Variants in PHACTR1 observed in about 807,000 individuals in gnomAD.
PHACTR1 encodes the protein phosphatase and actin regulator 1, also known as RPEL repeat containing 1.
Under a neutral mutation model 69.2 loss-of-function variants are expected in PHACTR1, and 16 were observed. The ratio of observed to expected loss-of-function variants is 0.23; its 90% CI spans 0.16 to 0.35. The LOEUF (loss-of-function observed/expected upper bound fraction) is 0.35, where lower values mean the gene tolerates loss of function less well. PHACTR1 is among the 10% of genes least tolerant of loss of function. PHACTR1 has a pLI of 1.00. For missense variants in PHACTR1, 510 were observed against 734.7 expected (o/e 0.69, Z 3.54); for synonymous variants, 312 against 284.5 (o/e 1.10, Z -0.97).
At chr6:13,180,199 G>A (rs375341894) in intron 6 of PHACTR1, among the ~76,000 whole-genome samples, 2 of 152,288 alleles carry the variant, frequency 1.3e-5, no homozygotes, top group Middle Eastern at 3.4e-3. Context: ...AACTGTTTCT[G>A]TTAGGTAGGG....
chr6:12,831,290 C>T (rs768876124), intron 4 of PHACTR1, among the ~76,000 whole-genome samples: 7 of 152,124 alleles, frequency 4.6e-5, no homozygotes, highest in Non-Finnish European at 1.5e-5. Context: ...AGTCTTTGCA[C>T]TTTATAGACA....
chr6:12,996,502 T>C (rs1430912595), intron 4 of PHACTR1, among the ~76,000 whole-genome samples: 1 of 152,148 alleles, frequency 6.6e-6, no homozygotes, highest in African/African-American at 2.4e-5. Flanking sequence ...CTACCAATAT[T>C]GACTGAAGAA....
At chr6:13,000,534 T>A (rs755329678) in intron 4 of PHACTR1, among the ~76,000 whole-genome samples, 2 of 142,604 alleles carry the variant, frequency 1.4e-5, no homozygotes, top group Non-Finnish European at 3.0e-5. Flanking sequence ...AGCGACAGAG[T>A]CTCCAAAAAA....
intron 4 of PHACTR1, among the ~76,000 whole-genome samples, chr6:12,863,203 G>A (rs1781116104): frequency 6.6e-6 from 1 of 152,174 alleles, no homozygotes; most frequent in South Asian, 2.1e-4. Flanking sequence ...CCACAGACTG[G>A]GTAACTCAAA....
chr6:13,106,624 T>G (rs934645495), intron 5 of PHACTR1, among the ~76,000 whole-genome samples: 1 of 152,158 alleles, frequency 6.6e-6, no homozygotes, highest in Non-Finnish European at 1.5e-5. Context: ...ACTACAGGCA[T>G]GTACCACCAT....
At chr6:13,176,900 A>G (rs1430823332) in intron 6 of PHACTR1, among the ~76,000 whole-genome samples, 4 of 152,252 alleles carry the variant, frequency 2.6e-5, no homozygotes, top group East Asian at 1.9e-4. Flanking sequence ...ACCATAATTC[A>G]TATCATAGAA....
chr6:12,926,243 A>T (rs1788256049), intron 4 of PHACTR1, among the ~76,000 whole-genome samples: 1 of 151,726 alleles, frequency 6.6e-6, no homozygotes, highest in Non-Finnish European at 1.5e-5. Context: ...TCTCTCTTGG[A>T]TCTTCTCCAC....
At chr6:13,227,504 T>C (rs1256362544) in intron 8 of PHACTR1, among the ~76,000 whole-genome samples, 2 of 152,190 alleles carry the variant, frequency 1.3e-5, no homozygotes, top group Non-Finnish European at 1.5e-5. Flanking sequence ...GTTCACATCA[T>C]TGTGCAACCA....
At chr6:13,118,358 A>G (rs1247149938) in intron 5 of PHACTR1, among the ~76,000 whole-genome samples, 1 of 152,218 alleles carries the variant, frequency 6.6e-6, no homozygotes, top group Non-Finnish European at 1.5e-5. Context: ...GAAGCAAGGA[A>G]TCAAGAAGCC....
chr6:12,719,280 C>A (rs767652013), intron 3 of PHACTR1, among the ~76,000 whole-genome samples: 9 of 152,312 alleles, frequency 5.9e-5, no homozygotes, highest in Middle Eastern at 3.4e-3. Context: ...TCTATAGCTG[C>A]CTTCTCTATT....
chr6:13,131,506 C>T (rs752202700), intron 5 of PHACTR1, among the ~76,000 whole-genome samples: 2 of 151,974 alleles, frequency 1.3e-5, no homozygotes, highest in Non-Finnish European at 2.9e-5. Context: ...ATACACTGCT[C>T]GGATGAATGG....
intron 4 of PHACTR1, among the ~76,000 whole-genome samples, chr6:13,024,031 C>T (rs764464836): frequency 1.3e-5 from 2 of 150,936 alleles, no homozygotes; most frequent in African/African-American, 2.4e-5. Flanking sequence ...GAGCTGAGAT[C>T]GAGCCACTGC....
rs1037675192 is a variant in PHACTR1, at chr6:13,280,902, C to T, written c.1510-2520C>T. On this transcript the variant is annotated intron_variant, in intron 12 of 14. Transcript: ENST00000332995. ...CAGGCCAAAGGTGCGTCTTCTGAGC[C>T]TTTCGTGGTCAGGGACATGAGCCCA... The T allele has an allele frequency of 6.5e-5, 82 of 1,254,960 alleles. 1 individual carries two copies. The South Asian group carries it at 9.2e-4, about 14-fold the overall frequency. 77.7% of individuals were successfully genotyped at this position (1,254,960 alleles called of 1,614,324 possible).
chr6:13,159,457 C>T (rs1272893105), intron 5 of PHACTR1, among the ~76,000 whole-genome samples: 6 of 152,166 alleles, frequency 3.9e-5, no homozygotes, highest in South Asian at 2.1e-4. Context: ...ATCATTGAAA[C>T]AGCAGTCCCT....
At chr6:13,089,807 A>G (rs1812926977) in intron 5 of PHACTR1, among the ~76,000 whole-genome samples, 1 of 152,206 alleles carries the variant, frequency 6.6e-6, no homozygotes, top group Non-Finnish European at 1.5e-5. Flanking sequence ...AATAAAACTG[A>G]CAAACGGTAA....
chr6:13,227,293 A>G (rs560805088), intron 8 of PHACTR1, among the ~76,000 whole-genome samples: 1 of 152,176 alleles, frequency 6.6e-6, no homozygotes, highest in African/African-American at 2.4e-5. Context: ...TCTTTCACAC[A>G]CTCAGTCCCT....
At chr6:12,816,316 C>T (rs917431497) in intron 4 of PHACTR1, among the ~76,000 whole-genome samples, 1 of 152,204 alleles carries the variant, frequency 6.6e-6, no homozygotes, top group African/African-American at 2.4e-5. Flanking sequence ...ATCTCTTAAA[C>T]ATTTTATCCG....
At chr6:13,010,655 G>T (rs1799345929) in intron 4 of PHACTR1, among the ~76,000 whole-genome samples, 1 of 152,052 alleles carries the variant, frequency 6.6e-6, no homozygotes, top group Non-Finnish European at 1.5e-5. Flanking sequence ...TGGTCCTTGG[G>T]GTCATATTTT....
intron 5 of PHACTR1, among the ~76,000 whole-genome samples, chr6:13,136,278 C>T (rs1388464521): frequency 6.6e-6 from 1 of 152,170 alleles, no homozygotes; most frequent in Non-Finnish European, 1.5e-5. Flanking sequence ...TCTCCATCAG[C>T]ACTTGCAGCT....
Sources: allele counts gnomAD v4.1 joint callset (sites outside exome capture counted in the v4.1 genomes callset), GRCh38; gene constraint gnomAD v4.1.1; transcripts MANE v1.5; gene names NCBI Gene and HGNC (gene_info 2026-07-23, HGNC 2026-07-21).